Variants in PARP2 observed in about 807,000 individuals in gnomAD.
The protein encoded by PARP2 is poly(ADP-ribose) polymerase 2.
PARP2 carries 57 observed loss-of-function variants against 77.8 expected under a neutral mutation model. That is an observed-to-expected ratio of 0.73 (90% CI 0.59 to 0.91). PARP2 has a LOEUF of 0.91. Ranked by LOEUF, PARP2 falls within the 40% of genes least tolerant of loss-of-function variation. The pLI is 0.00. For synonymous variants in PARP2, 226 were observed against 242.6 expected (o/e 0.93, Z 0.64); for missense variants, 651 against 689.0 (o/e 0.94, Z 0.62).
intron 2 of PARP2, 83 bp downstream of exon 2, chr14:20,345,170 A>G (rs1302083379): frequency 6.8e-7 from 1 of 1,469,408 alleles, no homozygotes; most frequent in South Asian, 1.2e-5. Context: ...TTCAACTCCT[A>G]TTTCGTCCTT....
chr14:20,344,850 C>A lies in PARP2; in HGVS notation c.47-82C>A, dbSNP rs1031124641. ...GAGAGAAAATTATCTTAAACCATTTCTTTAAAAGATTTTTTTCAATCTTTA... is the reference window on the plus strand; with the variant it reads ...GAGAGAAAATTATCTTAAACCATTTATTTAAAAGATTTTTTTCAATCTTTA... On this transcript the variant is annotated intron_variant, in intron 1 of 15. Transcript: ENST00000429687. The A allele has an allele frequency of 3.1e-5, 29 of 941,464 alleles. No individual in the cohort carries two copies. In the African/African-American group the frequency reaches 4.8e-4, roughly 16 times the overall value. 58.3% of individuals were successfully genotyped at this position (941,464 alleles called of 1,614,324 possible).
chr14:20,357,171 G>C (rs1433935642), intron 14 of PARP2, 22 bp downstream of exon 14: 1 of 1,499,708 alleles, frequency 6.7e-7, no homozygotes, highest in East Asian at 2.3e-5. Context: ...GTATGTCTGT[G>C]ATCTCTAGTT....
At chr14:20,346,344 T>G (rs567980674) in intron 3 of PARP2, among the ~76,000 whole-genome samples, 6,327 of 131,720 alleles carry the variant, frequency 0.048, 109 homozygotes, top group African/African-American at 0.16. Flanking sequence ...TTTTTTTTTT[T>G]TGAGATAGAG....
At chr14:20,347,362 A>G (rs764087734) in intron 4 of PARP2, among the ~76,000 whole-genome samples, 725 of 7,970 alleles carry the variant, frequency 0.091, 7 homozygotes, top group Non-Finnish European at 0.11. Context: ...GTGTGTATAT[A>G]TATATATATA....
chr14:20,353,110 C>A (rs1884017653), intron 7 of PARP2: 1 of 151,984 alleles, frequency 6.6e-6, no homozygotes, highest in Admixed American at 6.5e-5. Flanking sequence ...GAACTCGTGA[C>A]CTTGGGTGAT....
Position 20,356,011 on chromosome 14 carries a change from C to A in PARP2, c.1081C>A (p.His361Asn). Residue 361 changes from histidine (H) to asparagine (N), a missense_variant, in exon 11 of 16, where the codon CAT (histidine) becomes AAT (asparagine). By Grantham distance (68) the His-to-Asn change is moderately conservative. Transcript: ENST00000429687. The part of the protein sequence containing the change: ...NLHCALRPLD[H>N]ESYEFKVISQ... Reference sequence around the variant, plus strand: ...ACATTGTGCCTTGCGCCCCCTTGACCATGAAAGTTATGAGTTCAAAGTAAG... The same window carrying A: ...ACATTGTGCCTTGCGCCCCCTTGACAATGAAAGTTATGAGTTCAAAGTAAG... 1 of 1,613,908 alleles carries A rather than the reference C, an allele frequency of 6.2e-7. No individual in the cohort carries two copies. Among genetic ancestry groups the A allele is most frequent in the Non-Finnish European group, 8.5e-7 (1 of 1,179,906 alleles).
chr14:20,356,409 G>A lies in PARP2; in HGVS notation c.1204G>A (p.Ala402Thr). The change falls in exon 12 of 16, where the codon GCC becomes ACC. Residue 402 changes from alanine (A) to threonine (T), a missense_variant. By Grantham distance (58) the Ala-to-Thr change is moderately conservative (BLOSUM62 0). Transcript: ENST00000429687. ...AGTGGAGAAGGATGGTGAGAAAGAA[G>A]CCTTCAGAGAGGACCTTCATAACAG... ...FEVEKDGEKE[A>T]FREDLHNRML... 6.2e-7 allele frequency: 1 copy of A among 1,614,156 alleles called. No individual in the cohort carries two copies. Among genetic ancestry groups the A allele is most frequent in the Non-Finnish European group, 8.5e-7 (1 of 1,179,998 alleles).
In PARP2 at chr14:20,357,163, A is replaced by T. The variant is rs748917158; in HGVS notation, c.1428+14A>T. On this transcript the variant is annotated intron_variant, in intron 14 of 15. Coordinates refer to ENST00000429687, the MANE Select transcript of PARP2 (RefSeq NM_001042618.2). ...CTCTTATCAGAGGTGAGACAGGAGTATGTCTGTGATCTCTAGTTTATTAAT... is the reference window on the plus strand; with the variant it reads ...CTCTTATCAGAGGTGAGACAGGAGTTTGTCTGTGATCTCTAGTTTATTAAT... 2.2e-5 allele frequency: 32 copies of T among 1,470,164 alleles called. No homozygotes were observed. The highest frequency in any genetic ancestry group is 3.7e-5 in the Admixed American group (2 of 54,116). The allele number at this position is 1,470,164 out of a possible 1,614,324, so 91.1% of individuals were successfully genotyped here.
chr14:20,356,518 G>C, intron 12 of PARP2, 72 bp from the exon 13 acceptor site: 7 of 1,604,738 alleles, frequency 4.4e-6, no homozygotes, highest in Non-Finnish European at 6.0e-6. Context: ...TCAGAGGAAG[G>C]TGTTGGCTTT....
intron 7 of PARP2, among the ~76,000 whole-genome samples, chr14:20,353,678 C>G (rs1294367441): frequency 2.6e-5 from 4 of 152,160 alleles, no homozygotes; most frequent in Non-Finnish European, 5.9e-5. Context: ...TGAGGTATAC[C>G]AGGATGCTGA....
In PARP2 at chr14:20,352,327, G is replaced by T; in HGVS notation, c.580G>T (p.Asp194Tyr). The T allele has an allele frequency of 2.5e-6, 4 of 1,593,620 alleles. No homozygotes were observed. Among genetic ancestry groups the T allele is most frequent in the Middle Eastern group, 1.7e-4 (1 of 6,008 alleles). The change falls in exon 7 of 16, where the codon GAC (aspartate) becomes TAC (tyrosine). Residue 194 changes from aspartate to tyrosine, a missense_variant. Coordinates refer to ENST00000429687, the MANE Select transcript of PARP2 (RefSeq NM_001042618.2). ...TGGAAAATATGATATGCTACAGATG[G>T]ACTATGCCACCAATACTCAGGTAAC... ...VPGKYDMLQM[D>Y]YATNTQDEEE...
intron 11 of PARP2, 110 bp from the exon 12 acceptor site, chr14:20,356,197 C>T: frequency 7.0e-7 from 1 of 1,436,054 alleles, no homozygotes. Context: ...CCTTGTAAGA[C>T]TGTTTGGGAG....
chr14:20,352,378 A>T (rs1760919), intron 7 of PARP2, 31 bp downstream of exon 7: 1 of 1,294,962 alleles, frequency 7.7e-7, no homozygotes, highest in South Asian at 1.2e-5. Flanking sequence ...CGAAAGAAAC[A>T]CATCTTCTTT....
At chr14:20,347,352 GTGTGTATATATATA>G (rs1335881555) in intron 4 of PARP2, among the ~76,000 whole-genome samples, 545 of 51,780 alleles carry the variant, frequency 0.011, 42 homozygotes, top group African/African-American at 0.044. Flanking sequence ...TCATATGTGT[GTGTGTATATATATA>G]TATATATATA....
chr14:20,356,253 T>C, intron 11 of PARP2, 54 bp from the exon 12 acceptor site: 1 of 1,596,804 alleles, frequency 6.3e-7, no homozygotes, highest in Non-Finnish European at 8.6e-7. Flanking sequence ...ATTCTTCAGT[T>C]CAGCTCAGTC....
At chr14:20,353,173 C>T (rs975565214) in intron 7 of PARP2, among the ~76,000 whole-genome samples, 1 of 151,692 alleles carries the variant, frequency 6.6e-6, no homozygotes, top group African/African-American at 2.4e-5. Context: ...AGCCATCACG[C>T]CCGGCCTACT....
chr14:20,343,665 C>G lies in PARP2; in HGVS notation c.24C>G (p.Ser8Arg). The part of the protein sequence containing the change: MAARRRR[S>R]TGGGRARALN... ...CCATGGCGGCGCGGCGGCGACGGAG[C>G]ACCGGCGGCGGCAGGGCGAGAGGTT... The change falls in exon 1 of 16, where the codon AGC becomes AGG. Residue 8 changes from serine to arginine, a missense_variant. Coordinates refer to ENST00000429687, the MANE Select transcript of PARP2 (RefSeq NM_001042618.2). 1 of 1,610,520 alleles carries G rather than the reference C, an allele frequency of 6.2e-7. No homozygotes were observed. The highest frequency in any genetic ancestry group is 8.5e-7 in the Non-Finnish European group (1 of 1,179,070).
Position 20,357,074 on chromosome 14 carries a change from T to C in PARP2, c.1353T>C (p.Ala451=). The C allele has an allele frequency of 6.2e-7, 1 of 1,611,722 alleles. No individual in the cohort carries two copies. The highest frequency in any genetic ancestry group is 8.5e-7 in the Non-Finnish European group (1 of 1,177,766). Residue 451 remains alanine (A), a synonymous_variant, in exon 14 of 16, where the codon GCT becomes GCC. Transcript: ENST00000429687. ...AGTTTGGGAAAGGAATCTACTTTGC[T>C]GACATGTCTTCCAAGAGTGCCAATT... ...GYMFGKGIYF[A]DMSSKSANYC...
intron 2 of PARP2, 147 bp downstream of exon 2, chr14:20,345,234 T>A: frequency 9.7e-7 from 1 of 1,028,986 alleles, no homozygotes; most frequent in Non-Finnish European, 1.5e-6. Context: ...AGCACTAATC[T>A]ACTGCCTTGA....
Sources: allele counts gnomAD v4.1 joint callset (sites outside exome capture counted in the v4.1 genomes callset), GRCh38; gene constraint gnomAD v4.1.1; transcripts MANE v1.5; gene names NCBI Gene and HGNC (gene_info 2026-07-23, HGNC 2026-07-21).